The following LANCL1 variants were observed in gnomAD, a reference collection of about 807,000 sequenced individuals.
The protein encoded by LANCL1 is LanC like glutathione S-transferase 1, also known as glutathione S-transferase LANCL1.
In LANCL1, 50 loss-of-function variants were observed where a neutral mutation model predicts 50.6. The ratio of observed to expected loss-of-function variants is 0.99; its 90% confidence interval spans 0.79 to 1.25. LANCL1 has a LOEUF of 1.25. Among genes scored for constraint, LANCL1 ranks in the 50% most tolerant of loss-of-function variants. The pLI is 0.00. For synonymous variants in LANCL1, 188 were observed against 178.6 expected, an observed-to-expected ratio of 1.05 and a Z score of -0.42; for missense variants, 532 against 480.7, an observed-to-expected ratio of 1.11 and a Z score of -1.00.
rs112768453 is a variant in LANCL1, at chr2:210,434,390, G to A, written c.*97C>T. 3,049 of 827,736 alleles carry A rather than the reference G, an allele frequency of 3.7e-3. 69 individuals carry two copies. The African/African-American group carries it at 0.047, about 13-fold the overall frequency. The allele number at this position is 827,736 out of a possible 1,614,324, so 51.3% of individuals were successfully genotyped here. The stretch of plus-strand genomic sequence containing the variant: ...GCTAACAAAATCAAGTCCACAGTTT[G>A]ACTCTTTGTTTCCTTGGAAAGCAAC... On this transcript the variant is annotated 3_prime_UTR_variant, in exon 10 of 10. Coordinates refer to ENST00000450366, the MANE Select transcript of LANCL1 (RefSeq NM_006055.3).
At chr2:210,459,275 C>T (rs1389756985) in intron 3 of LANCL1, among the ~76,000 whole-genome samples, 14 of 151,844 alleles carry the variant, frequency 9.2e-5, no homozygotes, top group Admixed American at 9.2e-4. Flanking sequence ...TCATTTTATA[C>T]TATATACAAA....
At chr2:210,446,599 A>G (rs1693337757) in intron 4 of LANCL1, among the ~76,000 whole-genome samples, 1 of 152,076 alleles carries the variant, frequency 6.6e-6, no homozygotes, top group Non-Finnish European at 1.5e-5. Flanking sequence ...ATGGAAGTTA[A>G]GACCCTTGAA....
At chr2:210,467,436 G>A (rs1181157372) in intron 3 of LANCL1, among the ~76,000 whole-genome samples, 2 of 152,236 alleles carry the variant, frequency 1.3e-5, no homozygotes, top group East Asian at 3.9e-4. Flanking sequence ...CCTACTTAAT[G>A]TGAAAACGAG....
At chr2:210,451,779 C>A (rs1416525012) in intron 4 of LANCL1, among the ~76,000 whole-genome samples, 1 of 151,352 alleles carries the variant, frequency 6.6e-6, no homozygotes, top group African/African-American at 2.5e-5. Context: ...TACTAAATAG[C>A]CTTTTAAAAA....
At chr2:210,450,722 T>C (rs1056631221) in intron 4 of LANCL1, among the ~76,000 whole-genome samples, 2 of 152,084 alleles carry the variant, frequency 1.3e-5, no homozygotes, top group African/African-American at 4.8e-5. Flanking sequence ...AACAAAGATA[T>C]GAAAAAAAGC....
chr2:210,458,804 T>C (rs1693745386), intron 3 of LANCL1, among the ~76,000 whole-genome samples: 1 of 152,206 alleles, frequency 6.6e-6, no homozygotes, highest in Non-Finnish European at 1.5e-5. Flanking sequence ...TTCTATTCTC[T>C]GAAGGACACT....
chr2:210,476,745 A>T lies in LANCL1; in HGVS notation c.-142T>A. ...ACCCCGCAGCCCCGGACAGTAACAG[A>T]AGGGCTATTTTACCGCCCAGTTCCT... On this transcript the variant is annotated 5_prime_UTR_variant, in exon 1 of 10. Transcript: ENST00000450366. 9.4e-7 allele frequency: 1 copy of T among 1,059,696 alleles called. No homozygotes were observed. The highest frequency in any genetic ancestry group is 1.1e-6 in the Non-Finnish European group (1 of 875,846). 65.6% of individuals were successfully genotyped at this position (1,059,696 alleles called of 1,614,324 possible). A position where few individuals can be genotyped will look rare whatever the true frequency, so the allele number is the denominator to read the frequency against.
rs772061070 is a variant in LANCL1, at chr2:210,455,277, A to G, written c.237T>C (p.Phe79=). 1.9e-6 allele frequency: 3 copies of G among 1,613,062 alleles called. No homozygotes were observed. Among genetic ancestry groups the G allele is most frequent in the South Asian group, 2.2e-5 (2 of 91,050 alleles). ...CTAACTGTAGGTAGGCAGGGTCCCC[A>G]AATACATCATAAAGATGTAAGTAAA... The part of the protein sequence containing the change: ...AVLYLHLYDV[F]GDPAYLQLAH... The change falls in exon 4 of 10, where the codon TTT becomes TTC. Residue 79 remains phenylalanine (F), a synonymous_variant. Transcript: ENST00000450366.
Position 210,437,867 on chromosome 2 carries a change from G to T in LANCL1, c.696C>A (p.Ser232Arg). 1 of 1,585,892 alleles carries T rather than the reference G, an allele frequency of 6.3e-7. No homozygotes were observed. Among genetic ancestry groups the T allele is most frequent in the Non-Finnish European group, 8.6e-7 (1 of 1,168,094 alleles). Reference sequence around the variant, plus strand: ...GTAACTTCCCTTGGCTCACTTGAAGGCTGGGCTAAAAATGAGAAGGAAATT... The same window carrying T: ...GTAACTTCCCTTGGCTCACTTGAAGTCTGGGCTAAAAATGAGAAGGAAATT... ...AGIYYYLMQP[S>R]LQVSQGKLHS... Residue 232 changes from serine (S) to arginine (R), a missense_variant, in exon 7 of 10, where the codon AGC (serine) becomes AGA (arginine). By Grantham distance (110) the Ser-to-Arg change is moderately radical (BLOSUM62 -1). Coordinates refer to ENST00000450366, the MANE Select transcript of LANCL1 (RefSeq NM_006055.3).
rs1230339542 is a variant in LANCL1 at position 210,464,858 on chromosome 2, C to T, written c.199+7101G>A. Among the ~76,000 whole-genome samples the T allele has an allele frequency of 6.7e-5, 10 of 149,282 alleles. 1 individual carries two copies. Among genetic ancestry groups the T allele is most frequent in the Non-Finnish European group, 8.9e-5 (6 of 67,688 alleles). On this transcript the variant is annotated intron_variant, in intron 3 of 9. Coordinates refer to ENST00000450366, the MANE Select transcript of LANCL1 (RefSeq NM_006055.3). The stretch of plus-strand genomic sequence containing the variant: ...GCGGGCGCCTGTAGTCCCAGCTACT[C>T]GGGAGGCTGAGGCAGGAGAATGGCG...
At chr2:210,450,976 T>G (rs1027564665) in intron 4 of LANCL1, among the ~76,000 whole-genome samples, 1 of 152,230 alleles carries the variant, frequency 6.6e-6, no homozygotes, top group Non-Finnish European at 1.5e-5. Flanking sequence ...ATTCCATTAC[T>G]GGGTATACAC....
At position 210,434,469 on chromosome 2, in the gene LANCL1, A is replaced by C. The variant is rs905977234; in HGVS notation, c.*18T>G. The C allele has an allele frequency of 8.1e-6, 13 of 1,601,590 alleles. No individual in the cohort carries two copies. The highest frequency in any genetic ancestry group is 9.4e-6 in the Non-Finnish European group (11 of 1,169,618). The stretch of plus-strand genomic sequence containing the variant: ...CAGAAAGGGTCATGCAGTGAGTTGC[A>C]GGTGGCATGCTATCCTTTCAGAGTT... On this transcript the variant is annotated 3_prime_UTR_variant, in exon 10 of 10. Coordinates refer to ENST00000450366, the MANE Select transcript of LANCL1 (RefSeq NM_006055.3).
intron 3 of LANCL1, among the ~76,000 whole-genome samples, chr2:210,469,632 G>A (rs1168524036): frequency 6.6e-6 from 1 of 152,164 alleles, no homozygotes; most frequent in African/African-American, 2.4e-5. Context: ...GAGTATCATA[G>A]ATACTTGAGG....
At chr2:210,448,596 T>C (rs576529933) in intron 4 of LANCL1, among the ~76,000 whole-genome samples, 6 of 151,974 alleles carry the variant, frequency 3.9e-5, no homozygotes, top group Non-Finnish European at 8.8e-5. Flanking sequence ...ATAAAATAGA[T>C]AGACCACTAG....
chr2:210,477,172 C>T (rs1179121887), upstream of LANCL1, among the ~76,000 whole-genome samples: 4 of 151,840 alleles, frequency 2.6e-5, no homozygotes, highest in Non-Finnish European at 5.9e-5. Context: ...CAAAAAAGCA[C>T]CACCATCATT....
intron 3 of LANCL1, chr2:210,471,492 G>C: frequency 2.3e-6 from 1 of 435,986 alleles, no homozygotes; most frequent in South Asian, 1.7e-5. Context: ...TTAGTTCATG[G>C]AAGTAATACT....
Position 210,476,640 on chromosome 2 carries a change from T to G in LANCL1, c.-37A>C. On this transcript the variant is annotated 5_prime_UTR_variant, in exon 1 of 10. Coordinates refer to ENST00000450366, the MANE Select transcript of LANCL1 (RefSeq NM_006055.3). ...CCCACCCGGACAAAGAGGCCCCGTTTTGCAACCCCGTTCCCACGCCCGCGA... is the reference window on the plus strand; with the variant it reads ...CCCACCCGGACAAAGAGGCCCCGTTGTGCAACCCCGTTCCCACGCCCGCGA... The G allele has an allele frequency of 7.8e-7, 1 of 1,275,610 alleles. No individual in the cohort carries two copies. Among genetic ancestry groups the G allele is most frequent in the Non-Finnish European group, 9.9e-7 (1 of 1,009,778 alleles). The allele number at this position is 1,275,610 out of a possible 1,614,324, so 79.0% of individuals were successfully genotyped here. A position where few individuals can be genotyped will look rare whatever the true frequency, so the allele number is the denominator to read the frequency against.
chr2:210,438,676 G>C (rs932914880), intron 6 of LANCL1, among the ~76,000 whole-genome samples: 2 of 152,104 alleles, frequency 1.3e-5, no homozygotes, highest in African/African-American at 4.8e-5. Flanking sequence ...TAAGAGACCT[G>C]GAATCTAGAT....
At chr2:210,438,801 C>T (rs1311567459) in intron 6 of LANCL1, among the ~76,000 whole-genome samples, 1 of 152,182 alleles carries the variant, frequency 6.6e-6, no homozygotes, top group South Asian at 2.1e-4. Context: ...TACTGACATA[C>T]AGCATATGAG....
Sources: allele counts gnomAD v4.1 joint callset (sites outside exome capture counted in the v4.1 genomes callset), GRCh38; gene constraint gnomAD v4.1.1; transcripts MANE v1.5; gene names NCBI Gene and HGNC (gene_info 2026-07-23, HGNC 2026-07-21).